The following LRRC27 variants were observed in gnomAD, a reference collection of about 807,000 sequenced individuals.
LRRC27 encodes leucine rich repeat containing 27.
LRRC27 carries 57 observed loss-of-function variants against 55.0 expected under a neutral mutation model. The observed-to-expected ratio is 1.04, with a 90% CI of 0.84 to 1.29. LRRC27 has a LOEUF of 1.29. Among genes scored for constraint, LRRC27 ranks in the 50% most tolerant of loss-of-function variants. The probability of loss-of-function intolerance (pLI) is 0.00; values close to 1 mark genes in which losing one functional copy is unlikely to be tolerated. For missense variants in LRRC27, 721 were observed against 651.5 expected, an observed-to-expected ratio of 1.11 and a Z score of -1.16; for synonymous variants, 278 against 251.9, an observed-to-expected ratio of 1.10 and a Z score of -0.98.
At position 132,348,459 on chromosome 10, in the gene LRRC27, C is replaced by T. The variant is rs1564835409; in HGVS notation, c.926+103C>T. The T allele has an allele frequency of 1.4e-6, 2 of 1,462,186 alleles. No homozygotes were observed. The highest frequency in any genetic ancestry group is 1.9e-6 in the Non-Finnish European group (2 of 1,080,818). The allele number at this position is 1,462,186 out of a possible 1,614,324, so 90.6% of individuals were successfully genotyped here. A position where few individuals can be genotyped will look rare whatever the true frequency, so the allele number is the denominator to read the frequency against. Reference sequence around the variant, plus strand: ...TCAGGTCCAGCTTTTAAAGTGTCCTCCACGTTGCCACCGTTTACTGTGCAG... The same window carrying T: ...TCAGGTCCAGCTTTTAAAGTGTCCTTCACGTTGCCACCGTTTACTGTGCAG... On this transcript the variant is annotated intron_variant, in intron 6 of 10. Coordinates refer to ENST00000368614, the MANE Select transcript of LRRC27 (RefSeq NM_030626.3). This position sits in a 1 kb window ranked among gnomAD's most constrained non-coding sequence, Gnocchi z 4.2.
In LRRC27 at chr10:132,372,525, A is replaced by G. The variant is rs1375970500; in HGVS notation, c.1417-2541A>G. 6.6e-6 allele frequency among the ~76,000 whole-genome samples: 1 copy of G among 152,196 alleles called. No homozygotes were observed. Among genetic ancestry groups the G allele is most frequent in the Non-Finnish European group, 1.5e-5 (1 of 68,026 alleles). ...AGAGGTTGCAGTGAGCTGAGATGGC[A>G]CCATCGCACTCCAGCCTGGGCAACA... is the stretch of plus-strand genomic sequence containing the variant. On this transcript the variant is annotated intron_variant, in intron 10 of 10. Coordinates refer to ENST00000368614, the MANE Select transcript of LRRC27 (RefSeq NM_030626.3). This position sits in a 1 kb window ranked among gnomAD's most constrained non-coding sequence, Gnocchi z 4.0.
chr10:132,348,812 G>C lies in LRRC27; in HGVS notation c.926+456G>C. On this transcript the variant is annotated intron_variant, in intron 6 of 10. Transcript: ENST00000368614. This position sits in a 1 kb window ranked among gnomAD's most constrained non-coding sequence, Gnocchi z 4.2. ...ACATTTTACCTGTGAAAAGAGAGGA[G>C]TTGGGGGAAAGGTCAGTTATGCAGA... 2 of 614,974 alleles carry C rather than the reference G, an allele frequency of 3.3e-6. No individual in the cohort carries two copies. Among genetic ancestry groups the C allele is most frequent in the Non-Finnish European group, 5.8e-6 (2 of 345,520 alleles). 38.1% of individuals were successfully genotyped at this position (614,974 alleles called of 1,614,324 possible). A position where few individuals can be genotyped will look rare whatever the true frequency, so the allele number is the denominator to read the frequency against.
At position 132,374,934 on chromosome 10, in the gene LRRC27, C is replaced by T. The variant is rs948216615; in HGVS notation, c.1417-132C>T. The T allele has an allele frequency of 9.1e-6, 9 of 989,704 alleles. No individual in the cohort carries two copies. The highest frequency in any genetic ancestry group is 5.3e-5 in the Admixed American group (2 of 37,660). The allele number at this position is 989,704 out of a possible 1,614,324, so 61.3% of individuals were successfully genotyped here. ...GCGCCGTGATGCGGCTTGCAGGGGCCCCGGGGCAGCGGGGCTGGCTCTGCT... is the reference window on the plus strand; with the variant it reads ...GCGCCGTGATGCGGCTTGCAGGGGCTCCGGGGCAGCGGGGCTGGCTCTGCT... On this transcript the variant is annotated intron_variant, in intron 10 of 10. Coordinates refer to ENST00000368614, the MANE Select transcript of LRRC27 (RefSeq NM_030626.3). The surrounding 1 kb of genome is among the most constrained non-coding windows in gnomAD (Gnocchi z 4.4).
rs536325878 is a variant in LRRC27, at chr10:132,365,676, C to T, written c.1416+126C>T. ...GAGTGCGGTGGCACAATCTCGGCTCCCTGCAGCCTCCACCTCCCAGGTTCA... is the reference window on the plus strand; with the variant it reads ...GAGTGCGGTGGCACAATCTCGGCTCTCTGCAGCCTCCACCTCCCAGGTTCA... On this transcript the variant is annotated intron_variant, in intron 10 of 10. Transcript: ENST00000368614. 1.0e-4 allele frequency: 119 copies of T among 1,173,058 alleles called. No homozygotes were observed. The African/African-American group carries it at 1.6e-3, about 16-fold the overall frequency. The allele number at this position is 1,173,058 out of a possible 1,614,324, so 72.7% of individuals were successfully genotyped here.
chr10:132,364,421 A>ACACC (rs2068847382), intron 9 of LRRC27, among the ~76,000 whole-genome samples: 4 of 144,682 alleles, frequency 2.8e-5, no homozygotes, highest in Non-Finnish European at 3.1e-5. Flanking sequence ...ACCCGCGCTT[A>ACACC]CACCCACGCT....
rs1564853108 is a variant in LRRC27, at chr10:132,364,392, CCCTT to C, written c.1290-1031_1290-1028del. Among the ~76,000 whole-genome samples, 33 of 117,026 alleles carry C rather than the reference CCCTT, an allele frequency of 2.8e-4. 6 individuals carry two copies. Among genetic ancestry groups the C allele is most frequent in the African/African-American group, 1.0e-3 (32 of 31,116 alleles). 76.8% of individuals were successfully genotyped at this position (117,026 alleles called of 152,430 possible). A position where few individuals can be genotyped will look rare whatever the true frequency, so the allele number is the denominator to read the frequency against. ...TTACACCCACCCACACTTACACCCA[CCCTT>C]ACATCTACCTCCACACCCGCGCTTA... On this transcript the variant is annotated intron_variant, in intron 9 of 10. Coordinates refer to ENST00000368614, the MANE Select transcript of LRRC27 (RefSeq NM_030626.3).
rs774046159 is a variant in LRRC27 at position 132,372,632 on chromosome 10, T to C, written c.1417-2434T>C. On this transcript the variant is annotated intron_variant, in intron 10 of 10. Coordinates refer to ENST00000368614, the MANE Select transcript of LRRC27 (RefSeq NM_030626.3). This position sits in a 1 kb window ranked among gnomAD's most constrained non-coding sequence, Gnocchi z 4.0. ...CAGGGCCCTGGGTCTGCTTCCCTACTCTGCCCAGCCCACTGACTCCTCCAG... is the reference window on the plus strand; with the variant it reads ...CAGGGCCCTGGGTCTGCTTCCCTACCCTGCCCAGCCCACTGACTCCTCCAG... Among the ~76,000 whole-genome samples, 1 of 152,080 alleles carries C rather than the reference T, an allele frequency of 6.6e-6. No individual in the cohort carries two copies. The highest frequency in any genetic ancestry group is 1.5e-5 in the Non-Finnish European group (1 of 68,010).
chr10:132,347,469 C>T (rs905548796), intron 5 of LRRC27, among the ~76,000 whole-genome samples: 4 of 147,002 alleles, frequency 2.7e-5, no homozygotes, highest in Non-Finnish European at 4.5e-5. Context: ...GGGAAGGTCA[C>T]ATGTGTCCTG....
chr10:132,339,583 A>T (rs2067303872), intron 3 of LRRC27, among the ~76,000 whole-genome samples: 2 of 152,168 alleles, frequency 1.3e-5, no homozygotes, highest in African/African-American at 4.8e-5. Flanking sequence ...GCTGCATGGG[A>T]GCCAGGTGCT....
At chr10:132,331,292 T>TG (rs1776502280), upstream of LRRC27, 2 of 705,142 alleles carry the variant, frequency 2.8e-6, no homozygotes, top group Non-Finnish European at 4.4e-6. Context: ...GGACAGAGGG[T>TG]GCTACTTTTC....
At position 132,348,910 on chromosome 10, in the gene LRRC27, C is replaced by A; in HGVS notation, c.926+554C>A. 1.5e-6 allele frequency: 2 copies of A among 1,355,738 alleles called. No individual in the cohort carries two copies. Among genetic ancestry groups the A allele is most frequent in the East Asian group, 2.5e-5 (1 of 39,990 alleles). 84.0% of individuals were successfully genotyped at this position (1,355,738 alleles called of 1,614,324 possible). A position where few individuals can be genotyped will look rare whatever the true frequency, so the allele number is the denominator to read the frequency against. On this transcript the variant is annotated intron_variant, in intron 6 of 10. Transcript: ENST00000368614. This position sits in a 1 kb window ranked among gnomAD's most constrained non-coding sequence, Gnocchi z 4.2. ...GGCCCACTTCCAAAGCTTGCCTTTGCCTTTGGTACAGTGAGTTTGGGGGCC... is the reference window on the plus strand; with the variant it reads ...GGCCCACTTCCAAAGCTTGCCTTTGACTTTGGTACAGTGAGTTTGGGGGCC...
chr10:132,331,884 A>T, upstream of LRRC27: 1 of 1,019,816 alleles, frequency 9.8e-7, no homozygotes, highest in Non-Finnish European at 1.4e-6. Flanking sequence ...CAGGCGCACC[A>T]CCCCCTGCCA....
At chr10:132,369,007 A>G (rs2069157162) in intron 10 of LRRC27, among the ~76,000 whole-genome samples, 1 of 152,234 alleles carries the variant, frequency 6.6e-6, no homozygotes, top group South Asian at 2.1e-4. Context: ...GAGACACCTC[A>G]TCAAAGAAGA....
intron 10 of LRRC27, among the ~76,000 whole-genome samples, chr10:132,370,237 G>C (rs2069182655): frequency 6.6e-6 from 1 of 152,208 alleles, no homozygotes; most frequent in Non-Finnish European, 1.5e-5. Flanking sequence ...AAATTCATGT[G>C]AAGTTCCTGA....
At chr10:132,341,197 G>A (rs975701361) in intron 3 of LRRC27, among the ~76,000 whole-genome samples, 1 of 151,902 alleles carries the variant, frequency 6.6e-6, no homozygotes, top group Non-Finnish European at 1.5e-5. Flanking sequence ...GCCAGGCGTG[G>A]TGGCACACAC....
At position 132,348,322 on chromosome 10, in the gene LRRC27, G is replaced by T; in HGVS notation, c.892G>T (p.Glu298Ter). The change falls in exon 6 of 11, where the codon GAG becomes TAG. Residue 298 changes from glutamate (E) to a stop codon, truncating the protein, a stop_gained. Coordinates refer to ENST00000368614, the MANE Select transcript of LRRC27 (RefSeq NM_030626.3). LOFTEE classifies it high-confidence loss of function. The surrounding 1 kb of genome is among the most constrained non-coding windows in gnomAD (Gnocchi z 4.2). Reference sequence around the variant, plus strand: ...AAATCTCAAGGCGGCCTTGAACATTGAGAAAGAACTACCAAAGCCAAGACA... The same window carrying T: ...AAATCTCAAGGCGGCCTTGAACATTTAGAAAGAACTACCAAAGCCAAGACA... ...PPNLKAALNI[E>*]KELPKPRHVF... 1 of 1,613,648 alleles carries T rather than the reference G, an allele frequency of 6.2e-7. No homozygotes were observed.
rs765818527 is a variant in LRRC27 at position 132,348,109 on chromosome 10, G to A, written c.679G>A (p.Glu227Lys). The A allele has an allele frequency of 2.5e-6, 4 of 1,614,022 alleles. No individual in the cohort carries two copies. In the South Asian group the frequency reaches 3.3e-5, roughly 13 times the overall value. ...GGACCCAGAGGGGGCTGTGATGAAA[G>A]AGAAGGCCAGCTTTCTCCCACCTGT... ...AQDPEGAVMK[E>K]KASFLPPVEK... is the part of the protein sequence containing the mutation. Residue 227 changes from glutamate to lysine, a missense_variant, in exon 6 of 11, where the codon GAG becomes AAG. Transcript: ENST00000368614. This position sits in a 1 kb window ranked among gnomAD's most constrained non-coding sequence, Gnocchi z 4.2.
At chr10:132,356,654 G>A (rs546589929) in intron 8 of LRRC27, among the ~76,000 whole-genome samples, 1 of 152,340 alleles carries the variant, frequency 6.6e-6, no homozygotes, top group East Asian at 1.9e-4. Context: ...TATGGGACAC[G>A]GGACATCTTG....
At chr10:132,334,952 A>AGTG (rs1417761040) in intron 2 of LRRC27, among the ~76,000 whole-genome samples, 4 of 152,230 alleles carry the variant, frequency 2.6e-5, no homozygotes, top group Non-Finnish European at 5.9e-5. Context: ...TGGTAATCAG[A>AGTG]GTGGTAGACT....
Sources: gnomAD v4.1 joint callset for allele counts (sites outside exome capture counted in the v4.1 genomes callset) on GRCh38, gnomAD v4.1.1 for gene constraint, Gnocchi (gnomAD v3.1) non-coding constraint, MANE v1.5 for transcripts, NCBI Gene and HGNC (gene_info 2026-07-23, HGNC 2026-07-21) for gene names.